ZNF577: variants seen among roughly 807,000 people sequenced by gnomAD.
The protein encoded by ZNF577 is zinc finger protein 577.
In ZNF577, 14 loss-of-function variants were observed where a neutral mutation model predicts 13.9. The ratio of observed to expected loss-of-function variants is 1.00; its 90% CI spans 0.66 to 1.57. The LOEUF is 1.57. ZNF577 is among the 40% of genes most tolerant of loss of function. ZNF577 has a pLI of 0.00. For missense variants in ZNF577, 555 were observed against 579.2 expected (o/e 0.96, Z 0.43); for synonymous variants, 203 against 202.9 (o/e 1.00, Z 0.00).
chr19:51,823,650 A>T (rs2084207091), intron 9 of ZNF577: 1 of 999,310 alleles, frequency 1.0e-6, no homozygotes, highest in Non-Finnish European at 1.5e-6. Context: ...GTCTGCTGGT[A>T]GGAGGAGGAG....
intron 5 of ZNF577, among the ~76,000 whole-genome samples, chr19:51,854,362 C>A (rs1568441102): frequency 6.6e-6 from 1 of 151,582 alleles, no homozygotes; most frequent in African/African-American, 2.4e-5. Context: ...GGATCTCACT[C>A]TTGTCACTGC....
At chr19:51,877,566 T>C (rs975287076) in intron 4 of ZNF577, 189 bp from the exon 5 acceptor site, 31 of 444,054 alleles carry the variant, frequency 7.0e-5, no homozygotes, top group African/African-American at 2.0e-5. Context: ...CCATACCCAT[T>C]AGGATGGCTA....
In ZNF577 at chr19:51,881,509, G is replaced by A. The variant is rs188922213; in HGVS notation, c.-218-632C>T. 6.6e-5 allele frequency among the ~76,000 whole-genome samples: 10 copies of A among 152,270 alleles called. No homozygotes were observed. The East Asian group carries it at 1.3e-3, about 21-fold the overall frequency. On this transcript the variant is annotated intron_variant, in intron 1 of 5. Transcript: ENST00000638348. ...TTTCCATCCTAAACATGAGTAAGCT[G>A]AGGCTTGCTGAGACAACGTGTGTTG...
In ZNF577 at chr19:51,851,923, T is replaced by C. The variant is rs143897958; in HGVS notation, c.284-6992A>G. Among the ~76,000 whole-genome samples the C allele has an allele frequency of 5.8e-3, 890 of 152,262 alleles. 8 individuals are homozygous for C. Among genetic ancestry groups the C allele is most frequent in the African/African-American group, 0.021 (854 of 41,554 alleles). On this transcript the variant is annotated intron_variant and NMD_transcript_variant, in intron 5 of 10. Transcript: ENST00000638827. ...AGAAGCTGCCTTTAACCAACCCCAA[T>C]GAATACCCTCACGCATCACCTGCCA...
intron 9 of ZNF577, among the ~76,000 whole-genome samples, chr19:51,838,576 TATAA>T (rs1171765728): frequency 6.8e-6 from 1 of 147,728 alleles, no homozygotes; most frequent in Non-Finnish European, 1.5e-5. Context: ...TATATAATTA[TATAA>T]ATATTTATAT....
intron 5 of ZNF577, among the ~76,000 whole-genome samples, chr19:51,855,393 G>A (rs2084408572): frequency 1.3e-5 from 2 of 151,422 alleles, no homozygotes; most frequent in South Asian, 2.1e-4. Flanking sequence ...GTGTGTGTGT[G>A]TGTGTGTGTG....
downstream of ZNF577, among the ~76,000 whole-genome samples, chr19:51,863,916 TTTTTCATTAATA>T (rs1179073289): frequency 1.3e-5 from 2 of 152,158 alleles, no homozygotes; most frequent in African/African-American, 2.4e-5. Flanking sequence ...TACCAAAACA[TTTTTCATTAATA>T]AGTAAACAAA....
In ZNF577 at chr19:51,877,393, C is replaced by G; in HGVS notation, c.188-16G>C. The G allele has an allele frequency of 6.2e-7, 1 of 1,606,478 alleles. No homozygotes were observed. Among genetic ancestry groups the G allele is most frequent in the East Asian group, 2.2e-5 (1 of 44,814 alleles). ...CCTCGATACCCTGTAAATGGGAGAT[C>G]ACTGAACACTTGGCACGTGTGCTTG... On this transcript the variant is annotated splice_polypyrimidine_tract_variant and intron_variant, in intron 4 of 5. Transcript: ENST00000638348.
chr19:51,822,487 G>T (rs527751388), intron 9 of ZNF577, among the ~76,000 whole-genome samples: 1 of 152,136 alleles, frequency 6.6e-6, no homozygotes, highest in African/African-American at 2.4e-5. Context: ...GTTGCATAGA[G>T]AAAGGGCTTA....
At chr19:51,840,440 G>C (rs1025770387) in intron 8 of ZNF577, 2 of 152,320 alleles carry the variant, frequency 1.3e-5, no homozygotes, top group African/African-American at 4.8e-5. Context: ...TGTGTTTGTC[G>C]AGAGAAGTCT....
intron 1 of ZNF577, among the ~76,000 whole-genome samples, chr19:51,883,057 G>A (rs1039908080): frequency 1.4e-4 from 21 of 149,570 alleles, no homozygotes; most frequent in African/African-American, 4.7e-4. Flanking sequence ...GCAGTAGCGC[G>A]ATCTCAGCTC....
chr19:51,818,446 G>T (rs1013696646), intron 9 of ZNF577, among the ~76,000 whole-genome samples: 1 of 152,202 alleles, frequency 6.6e-6, no homozygotes, highest in African/African-American at 2.4e-5. Flanking sequence ...CTGAAAGAAG[G>T]TGCTACTTGT....
chr19:51,817,302 C>T (rs2084144337), intron 9 of ZNF577, among the ~76,000 whole-genome samples: 1 of 152,044 alleles, frequency 6.6e-6, no homozygotes, highest in African/African-American at 2.4e-5. Context: ...ACTCAACAAA[C>T]AAAACCAAAA....
rs1026256181 is a variant in ZNF577 at position 51,867,218 on chromosome 19, T to C, written c.*5314A>G. 1.3e-5 allele frequency among the ~76,000 whole-genome samples: 2 copies of C among 152,224 alleles called. No individual in the cohort carries two copies. The highest frequency in any genetic ancestry group is 2.4e-5 in the African/African-American group (1 of 41,464). ...TATGTATTTCCATTTAATAGTTATT[T>C]GTCTTAAGCCTTGCAAAGTCATTGG... On this transcript the variant is annotated 3_prime_UTR_variant, in exon 6 of 6. Coordinates refer to ENST00000638348, the MANE Select transcript of ZNF577 (RefSeq NM_001370449.1).
At position 51,810,942 on chromosome 19, in the gene ZNF577, G is replaced by C. The variant is rs181293860; in HGVS notation, c.*817+515C>G. On this transcript the variant is annotated intron_variant and NMD_transcript_variant, in intron 10 of 10. Coordinates refer to the ZNF577 transcript ENST00000638827. ...AGCAGAGCATAAAATTCTTTGTATTGGGGTCTCTAGTTCTGCTACCAAAGG... is the reference window on the plus strand; with the variant it reads ...AGCAGAGCATAAAATTCTTTGTATTCGGGTCTCTAGTTCTGCTACCAAAGG... Among the ~76,000 whole-genome samples, 1,048 of 152,208 alleles carry C rather than the reference G, an allele frequency of 6.9e-3. 13 individuals carry two copies. Among genetic ancestry groups the C allele is most frequent in the African/African-American group, 0.022 (903 of 41,526 alleles).
chr19:51,857,419 A>AAAGAAAGG (rs2084444978), intron 5 of ZNF577, among the ~76,000 whole-genome samples: 1 of 115,346 alleles, frequency 8.7e-6, no homozygotes, highest in African/African-American at 3.8e-5. Flanking sequence ...AGAAAGAAAG[A>AAAGAAAGG]AAGAAAGAAA....
chr19:51,872,973 C>T lies in ZNF577; in HGVS notation c.1017G>A (p.Ser339=), dbSNP rs9807840. The part of the protein sequence containing the change: ...SECEKAFRSK[S]KLIQHQRTHT... The stretch of plus-strand genomic sequence containing the variant: ...GAGTACGCTGATGCTGAATGAGCTT[C>T]GACTTGCTTCTAAAGGCTTTTTCAC... Residue 339 remains serine (S), a synonymous_variant, in exon 6 of 6, where the codon TCG becomes TCA. Coordinates refer to ENST00000638348, the MANE Select transcript of ZNF577 (RefSeq NM_001370449.1). 0.05 allele frequency: 80,940 copies of T among 1,613,906 alleles called. 7,230 individuals carry two copies. The highest frequency in any genetic ancestry group is 0.28 in the African/African-American group (20,772 of 74,928).
At chr19:51,875,590 T>G (rs1479552691) in intron 5 of ZNF577, among the ~76,000 whole-genome samples, 1 of 152,200 alleles carries the variant, frequency 6.6e-6, no homozygotes, top group Admixed American at 6.5e-5. Flanking sequence ...TTGTCACTTA[T>G]TTCATGGACA....
chr19:51,811,305 T>C (rs73061056), intron 10 of ZNF577, among the ~76,000 whole-genome samples: 17,375 of 152,216 alleles, frequency 0.11, 1,227 homozygotes, highest in Middle Eastern at 0.18. Flanking sequence ...TAAGTTAATG[T>C]CTGAGAACTA....
Sources: allele counts gnomAD v4.1 joint callset (sites outside exome capture counted in the v4.1 genomes callset), GRCh38; gene constraint gnomAD v4.1.1; transcripts MANE v1.5; gene names NCBI Gene and HGNC (gene_info 2026-07-23, HGNC 2026-07-21).